The following ATP11C variants were observed in gnomAD, a reference collection of about 807,000 sequenced individuals.
The protein encoded by ATP11C is phospholipid-transporting ATPase IG.
Under a neutral mutation model 97.4 loss-of-function variants are expected in ATP11C, and 36 were observed. The ratio of observed to expected loss-of-function variants is 0.37; its 90% CI spans 0.28 to 0.49. The LOEUF is 0.49. ATP11C is among the 20% of genes least tolerant of loss of function. The probability of loss-of-function intolerance (pLI) is 0.98; values close to 1 mark genes in which losing one functional copy is unlikely to be tolerated. For synonymous variants in ATP11C, 275 were observed against 290.9 expected, an observed-to-expected ratio of 0.95 and a Z score of 0.56; for missense variants, 730 against 824.6, an observed-to-expected ratio of 0.89 and a Z score of 1.40.
chrX:139,851,834 C>T (rs1024457993), intron 1 of ATP11C, among the ~76,000 whole-genome samples: 5 of 112,251 alleles, frequency 4.5e-5, no homozygotes, highest in African/African-American at 1.6e-4. Flanking sequence ...GTTATCCCTT[C>T]CTTCTTGGTT....
chrX:139,745,700 T>A (rs766656474), intron 25 of ATP11C, 22 bp downstream of exon 25: 2 of 1,193,379 alleles, frequency 1.7e-6, no homozygotes, highest in African/African-American at 3.6e-5. Flanking sequence ...TACCAAAAGA[T>A]GTAATGACAG....
Position 139,785,221 on chromosome X carries a change from T to C in ATP11C, c.1666+5A>G. 1.7e-6 allele frequency: 2 copies of C among 1,194,210 alleles called. No homozygotes were observed. Among genetic ancestry groups the C allele is most frequent in the Non-Finnish European group, 2.3e-6 (2 of 883,983 alleles). On this transcript the variant is annotated splice_donor_5th_base_variant and intron_variant, in intron 16 of 29. Transcript: ENST00000682941. ...GAGAAAAATTCAAGCTTTTCAGACA[T>C]GTACCTTCTTGAGTCTTCACAATTA...
chrX:139,891,575 G>GCT (rs974006083), intron 1 of ATP11C, among the ~76,000 whole-genome samples: 10 of 111,426 alleles, frequency 9.0e-5, no homozygotes, highest in African/African-American at 2.9e-4. Context: ...AAACTGGAAT[G>GCT]CTCTCTCTCA....
At chrX:139,804,300 C>T (rs1438375590) in intron 6 of ATP11C, among the ~76,000 whole-genome samples, 171 bp downstream of exon 6, 2 of 111,076 alleles carry the variant, frequency 1.8e-5, no homozygotes, top group Non-Finnish European at 1.9e-5. Context: ...TACCCAAACA[C>T]GAGTGTTTGC....
chrX:139,845,178 CT>C (rs2083890958), intron 1 of ATP11C, among the ~76,000 whole-genome samples: 1 of 110,860 alleles, frequency 9.0e-6, no homozygotes, highest in Non-Finnish European at 1.9e-5. Flanking sequence ...GGTTCATAGC[CT>C]CCAGTCAGCT....
Position 139,787,261 on chromosome X carries a change from A to G in ATP11C, c.1521-17T>C. 1 of 1,135,887 alleles carries G rather than the reference A, an allele frequency of 8.8e-7. No individual in the cohort carries two copies. The highest frequency in any genetic ancestry group is 1.2e-6 in the Non-Finnish European group (1 of 842,927). The allele number at this position is 1,135,887 out of a possible 1,213,427, so 93.6% of individuals were successfully genotyped here. A position where few individuals can be genotyped will look rare whatever the true frequency, so the allele number is the denominator to read the frequency against. ...AACCCGTACCTATCAAAAACAATAAAAAAGACCTTGTGTATCTCTAAAGAA... is the reference window on the plus strand; with the variant it reads ...AACCCGTACCTATCAAAAACAATAAGAAAGACCTTGTGTATCTCTAAAGAA... On this transcript the variant is annotated splice_polypyrimidine_tract_variant and intron_variant, in intron 14 of 29. Coordinates refer to ENST00000682941, the MANE Select transcript of ATP11C (RefSeq NM_001353812.2).
intron 1 of ATP11C, among the ~76,000 whole-genome samples, chrX:139,863,560 A>G (rs1569482099): frequency 9.0e-6 from 1 of 110,879 alleles, no homozygotes; most frequent in East Asian, 2.8e-4. Flanking sequence ...AAAAATAAAT[A>G]AAATAAAATA....
At chrX:139,866,353 A>G (rs2084285039) in intron 1 of ATP11C, among the ~76,000 whole-genome samples, 1 of 104,996 alleles carries the variant, frequency 9.5e-6, no homozygotes, top group African/African-American at 3.5e-5. Flanking sequence ...CAAAAAAAAA[A>G]AAAAAAAAAA....
intron 1 of ATP11C, among the ~76,000 whole-genome samples, chrX:139,860,652 T>C (rs1288772997): frequency 9.0e-6 from 1 of 110,923 alleles, no homozygotes; most frequent in Admixed American, 9.6e-5. Flanking sequence ...ACCCCATCTC[T>C]ACTAAAACTA....
chrX:139,782,728 C>T lies in ATP11C; in HGVS notation c.1771G>A (p.Asp591Asn). ...GCTACACAGAGTGTCCGATACCCAT[C>T]CTAGGAGTAAAGTAGGAGATCTGTA... ...TKVHVERNAM[D>N]GYRTLCVAFK... The change falls in exon 18 of 30, where the codon GAT becomes AAT. Residue 591 changes from aspartate (D) to asparagine (N), a missense_variant and splice_region_variant. Asp to Asn is a conservative substitution (Grantham distance 23). Coordinates refer to ENST00000682941, the MANE Select transcript of ATP11C (RefSeq NM_001353812.2). The T allele has an allele frequency of 1.7e-6, 2 of 1,162,493 alleles. No homozygotes were observed. Among genetic ancestry groups the T allele is most frequent in the Non-Finnish European group, 2.3e-6 (2 of 864,891 alleles).
At chrX:139,898,572 G>A (rs150957664) in intron 1 of ATP11C, among the ~76,000 whole-genome samples, 280 of 110,912 alleles carry the variant, frequency 2.5e-3, no homozygotes, top group South Asian at 4.6e-3. Context: ...AGTAGATGTG[G>A]GCAACAGGTG....
chrX:139,735,098 T>C (rs2081416433), intron 28 of ATP11C, among the ~76,000 whole-genome samples: 1 of 111,788 alleles, frequency 8.9e-6, no homozygotes, highest in Admixed American at 9.5e-5. Context: ...GAGCTGCTTG[T>C]GAGCTAGGGC....
intron 1 of ATP11C, among the ~76,000 whole-genome samples, chrX:139,886,897 C>A: frequency 9.3e-6 from 1 of 107,146 alleles, no homozygotes; most frequent in African/African-American, 3.4e-5. Flanking sequence ...ATAACCTAAA[C>A]AATTTTGTAA....
At chrX:139,920,616 A>C (rs760920617) in intron 1 of ATP11C, among the ~76,000 whole-genome samples, 1 of 112,010 alleles carries the variant, frequency 8.9e-6, no homozygotes, top group Non-Finnish European at 1.9e-5. Context: ...ATAGTTACAC[A>C]GCATAGGAAA....
At chrX:139,888,927 G>A (rs1006840470) in intron 1 of ATP11C, among the ~76,000 whole-genome samples, 6 of 109,868 alleles carry the variant, frequency 5.5e-5, no homozygotes, top group Non-Finnish European at 1.1e-4. Flanking sequence ...TCATGCCTCC[G>A]CCTCCGAGTA....
At chrX:139,841,441 G>A (rs1410023642) in intron 1 of ATP11C, among the ~76,000 whole-genome samples, 1 of 112,769 alleles carries the variant, frequency 8.9e-6, no homozygotes, top group Non-Finnish European at 1.9e-5. Context: ...AGGGTGAGGT[G>A]GAGTAGAGAA....
chrX:139,825,228 G>C (rs561976634), intron 2 of ATP11C, among the ~76,000 whole-genome samples: 1 of 111,610 alleles, frequency 9.0e-6, no homozygotes, highest in South Asian at 3.8e-4. Flanking sequence ...ACAGCACGAT[G>C]ATGTAAAAAG....
chrX:139,863,032 G>A (rs934441785), intron 1 of ATP11C, among the ~76,000 whole-genome samples: 2 of 110,794 alleles, frequency 1.8e-5, no homozygotes, highest in Non-Finnish European at 3.8e-5. Flanking sequence ...GAGAAGAAAA[G>A]ACAAACAGGA....
chrX:139,881,475 C>T lies in ATP11C; in HGVS notation c.27+50541G>A, dbSNP rs192480020. 3.4e-3 allele frequency among the ~76,000 whole-genome samples: 378 copies of T among 110,610 alleles called. 1 individual carries two copies. The highest frequency in any genetic ancestry group is 6.0e-3 in the Admixed American group (62 of 10,366). ...GCAACATGTGGCAGTGGTAGGCGGC[C>T]GGTAGCAATTCTAAGATTTGGGATC... On this transcript the variant is annotated intron_variant, in intron 1 of 29. Transcript: ENST00000682941.
Sources: gnomAD v4.1 joint callset for allele counts (sites outside exome capture counted in the v4.1 genomes callset) on GRCh38, gnomAD v4.1.1 for gene constraint, MANE v1.5 for transcripts, NCBI Gene and HGNC (gene_info 2026-07-23, HGNC 2026-07-21) for gene names.